The following OLFM3 variants were observed in gnomAD, a reference collection of about 807,000 sequenced individuals.
OLFM3 encodes noelin-3.
A neutral mutation model predicts 48.6 loss-of-function variants in OLFM3; 20 were observed. The ratio of observed to expected loss-of-function variants is 0.41; its 90% CI spans 0.29 to 0.60. The LOEUF is 0.60. Among genes scored for constraint, OLFM3 ranks in the 20% least tolerant of loss-of-function variants. The probability of loss-of-function intolerance (pLI) is 0.28; values close to 1 mark genes in which losing one functional copy is unlikely to be tolerated. For synonymous variants in OLFM3, 222 were observed against 198.1 expected, an observed-to-expected ratio of 1.12 and a Z score of -1.01; for missense variants, 437 against 544.3, an observed-to-expected ratio of 0.80 and a Z score of 1.96.
chr1:101,815,657 A>T (rs925487542), intron 4 of OLFM3, among the ~76,000 whole-genome samples: 2 of 152,188 alleles, frequency 1.3e-5, no homozygotes, highest in African/African-American at 4.8e-5. Flanking sequence ...TGGCTTGTCC[A>T]GCTAGACAGA....
At chr1:101,813,247 T>A (rs1570507231) in intron 4 of OLFM3, 1 of 376,804 alleles carries the variant, frequency 2.7e-6, no homozygotes, top group East Asian at 8.6e-5. Context: ...CAATATTAAA[T>A]AAAAATTATT....
chr1:101,814,158 C>T (rs559020348), intron 4 of OLFM3, among the ~76,000 whole-genome samples: 16 of 152,104 alleles, frequency 1.1e-4, no homozygotes, highest in African/African-American at 3.1e-4. Context: ...TAGATTCTTA[C>T]TCCAGTCAGT....
chr1:101,941,293 G>A (rs1353179561), intron 1 of OLFM3, among the ~76,000 whole-genome samples: 4 of 152,176 alleles, frequency 2.6e-5, no homozygotes, highest in African/African-American at 7.2e-5. Context: ...AGACTGAAAA[G>A]CAGCAGTATA....
chr1:101,989,396 C>T (rs1027937580), intron 1 of OLFM3, among the ~76,000 whole-genome samples: 1 of 152,164 alleles, frequency 6.6e-6, no homozygotes, highest in Non-Finnish European at 1.5e-5. Context: ...TTACCTGGCA[C>T]TGTAGATAGA....
chr1:101,841,484 A>G (rs1368547491), intron 1 of OLFM3, among the ~76,000 whole-genome samples: 1 of 152,212 alleles, frequency 6.6e-6, no homozygotes, highest in Non-Finnish European at 1.5e-5. Flanking sequence ...ACCAGTAACC[A>G]TAAACACTGC....
intron 4 of OLFM3, chr1:101,812,602 C>T (rs1367804347): frequency 9.1e-6 from 9 of 985,456 alleles, no homozygotes; most frequent in African/African-American, 1.7e-5. Flanking sequence ...TCCAAACAAC[C>T]CACAGCACAT....
chr1:101,954,334 A>C (rs2101075180), intron 1 of OLFM3, among the ~76,000 whole-genome samples: 1 of 152,184 alleles, frequency 6.6e-6, no homozygotes, highest in African/African-American at 2.4e-5. Flanking sequence ...GGAATGTATA[A>C]TTTCTTCTAC....
intron 1 of OLFM3, among the ~76,000 whole-genome samples, chr1:101,910,932 T>C (rs750677308): frequency 7.3e-5 from 11 of 151,296 alleles, no homozygotes; most frequent in Non-Finnish European, 8.9e-5. Context: ...GGAAACTGCA[T>C]TTTTTTTTAG....
At chr1:101,826,096 A>T (rs1323804143) in intron 3 of OLFM3, among the ~76,000 whole-genome samples, 1 of 151,572 alleles carries the variant, frequency 6.6e-6, no homozygotes, top group Non-Finnish European at 1.5e-5. Flanking sequence ...AGTTACACAG[A>T]GTTGTTTGAA....
chr1:101,903,276 G>C (rs1209382741), intron 1 of OLFM3, among the ~76,000 whole-genome samples: 1 of 152,172 alleles, frequency 6.6e-6, no homozygotes, highest in South Asian at 2.1e-4. Flanking sequence ...GGCAACACAA[G>C]AACAAAGACA....
chr1:101,826,138 A>G (rs983389196), intron 3 of OLFM3, among the ~76,000 whole-genome samples: 2 of 136,848 alleles, frequency 1.5e-5, no homozygotes, highest in Non-Finnish European at 3.3e-5. Flanking sequence ...AAACACACAC[A>G]CACACACACA....
At chr1:101,865,404 A>G (rs537143744) in intron 1 of OLFM3, among the ~76,000 whole-genome samples, 1 of 151,916 alleles carries the variant, frequency 6.6e-6, no homozygotes, top group South Asian at 2.1e-4. Context: ...CAATCTAGCT[A>G]TTAGCACAAA....
intron 1 of OLFM3, among the ~76,000 whole-genome samples, chr1:101,977,992 T>C (rs1661001602): frequency 6.6e-6 from 1 of 152,116 alleles, no homozygotes; most frequent in Admixed American, 6.6e-5. Flanking sequence ...TAGCATCAGG[T>C]TATAGATTAG....
At chr1:101,811,535 C>T (rs1428267647) in intron 4 of OLFM3, among the ~76,000 whole-genome samples, 2 of 152,134 alleles carry the variant, frequency 1.3e-5, no homozygotes, top group Non-Finnish European at 2.9e-5. Flanking sequence ...AGGATATGAA[C>T]AGACACTTCT....
intron 4 of OLFM3, among the ~76,000 whole-genome samples, chr1:101,807,103 C>A (rs1161112943): frequency 6.6e-6 from 1 of 151,600 alleles, no homozygotes; most frequent in East Asian, 1.9e-4. Context: ...TTATGCTTAT[C>A]TTTCTTTTTT....
rs753802518 is a variant in OLFM3, at chr1:101,825,223, T to G, written c.395A>C (p.Glu132Ala). The G allele has an allele frequency of 1.9e-6, 3 of 1,613,898 alleles. No homozygotes were observed. Among genetic ancestry groups the G allele is most frequent in the Non-Finnish European group, 2.5e-6 (3 of 1,179,884 alleles). Residue 132 changes from glutamate (E) to alanine (A), a missense_variant, in exon 4 of 6, where the codon GAG (glutamate) becomes GCG (alanine). Physicochemically the swap from Glu to Ala is moderately radical, Grantham distance 107. This residue lies in a region of OLFM3 where 314 missense variants were observed against 365.5 expected (regional missense o/e 0.86). Coordinates refer to ENST00000370103, the MANE Select transcript of OLFM3 (RefSeq NM_058170.4). The part of the protein sequence containing the change: ...HFQELKEKMD[E>A]LLPLIPVLEQ... Reference sequence around the variant, plus strand: ...CAGCACGGGGATCAAAGGCAGGAGCTCGTCCATTTTCTCTTTCAACTCCTG... The same window carrying G: ...CAGCACGGGGATCAAAGGCAGGAGCGCGTCCATTTTCTCTTTCAACTCCTG...
At chr1:101,931,369 G>A (rs1197819347) in intron 1 of OLFM3, among the ~76,000 whole-genome samples, 1 of 152,134 alleles carries the variant, frequency 6.6e-6, no homozygotes, top group East Asian at 1.9e-4. Flanking sequence ...CTTGTAGAGG[G>A]TGGGAAATAA....
At chr1:101,873,626 T>A (rs1164445520) in intron 1 of OLFM3, among the ~76,000 whole-genome samples, 1 of 148,056 alleles carries the variant, frequency 6.8e-6, no homozygotes, top group Non-Finnish European at 1.5e-5. Flanking sequence ...CTGAGTTTAA[T>A]TTTTTTTTTA....
At chr1:101,871,860 T>C (rs1657096567) in intron 1 of OLFM3, among the ~76,000 whole-genome samples, 1 of 152,118 alleles carries the variant, frequency 6.6e-6, no homozygotes, top group Admixed American at 6.6e-5. Context: ...GTATTTTAGC[T>C]ACTTATGTGA....
Sources: gnomAD v4.1 joint callset for allele counts (sites outside exome capture counted in the v4.1 genomes callset) on GRCh38, gnomAD v4.1.1 for gene constraint, gnomAD v4.1.1 regional missense constraint, MANE v1.5 for transcripts, NCBI Gene and HGNC (gene_info 2026-07-23, HGNC 2026-07-21) for gene names.